The following MCPH1 variants were observed in gnomAD, a reference collection of about 807,000 sequenced individuals.
The protein encoded by MCPH1 is microcephalin 1, also known as microcephalin.
Under a neutral mutation model 84.5 loss-of-function variants are expected in MCPH1, and 104 were observed. The ratio of observed to expected loss-of-function variants is 1.23; its 90% CI spans 1.05 to 1.45. The LOEUF (loss-of-function observed/expected upper bound fraction) is 1.45, where lower values mean the gene tolerates loss of function less well. Ranked by LOEUF, MCPH1 falls within the 40% of genes most tolerant of loss-of-function variation. The probability of loss-of-function intolerance (pLI) is 0.00; values close to 1 mark genes in which losing one functional copy is unlikely to be tolerated. For missense variants in MCPH1, 1,498 were observed against 1,005.7 expected, an observed-to-expected ratio of 1.49 and a Z score of -6.62; for synonymous variants, 514 against 366.8, an observed-to-expected ratio of 1.40 and a Z score of -4.58.
At position 6,448,474 on chromosome 8, in the gene MCPH1, A is replaced by G. The variant is rs535246611; in HGVS notation, c.1825+2927A>G. ...AGCTGTTTTGTTTTGAAGTGTGATG[A>G]GAAGCCATTGGGGCTTTTGAACAGG... is the stretch of plus-strand genomic sequence containing the variant. On this transcript the variant is annotated intron_variant, in intron 8 of 13. Transcript: ENST00000344683. Among the ~76,000 whole-genome samples the G allele has an allele frequency of 1.1e-3, 175 of 152,310 alleles. No individual in the cohort carries two copies. The Middle Eastern group carries it at 0.017, about 15-fold the overall frequency.
At chr8:6,456,657 C>T (rs1585879181) in intron 9 of MCPH1, among the ~76,000 whole-genome samples, 1 of 144,836 alleles carries the variant, frequency 6.9e-6, no homozygotes, top group East Asian at 2.0e-4. Context: ...CCATGTCTGG[C>T]TTTTTTTTTT....
chr8:6,430,922 G>T (rs1801743083), intron 3 of MCPH1, among the ~76,000 whole-genome samples: 2 of 152,176 alleles, frequency 1.3e-5, no homozygotes, highest in Non-Finnish European at 2.9e-5. Flanking sequence ...GGAGATAAGG[G>T]TCACAGGAAT....
At position 6,447,841 on chromosome 8, in the gene MCPH1, G is replaced by A. The variant is rs181667680; in HGVS notation, c.1825+2294G>A. 1.7e-3 allele frequency among the ~76,000 whole-genome samples: 262 copies of A among 152,166 alleles called. 1 individual carries two copies. Among genetic ancestry groups the A allele is most frequent in the Non-Finnish European group, 2.4e-3 (162 of 68,006 alleles). On this transcript the variant is annotated intron_variant, in intron 8 of 13. Transcript: ENST00000344683. ...TGGGATTACAGGCGTGAGCTACCGC[G>A]CCCGGCCAACAATTTTGTTTTCTAA...
intron 13 of MCPH1, among the ~76,000 whole-genome samples, chr8:6,630,219 GA>G (rs1399073340): frequency 1.3e-5 from 2 of 152,102 alleles, no homozygotes. Flanking sequence ...CTTTGGCTGG[GA>G]AAAACTTATA....
chr8:6,504,211 G>A (rs11779674), intron 12 of MCPH1, among the ~76,000 whole-genome samples: 50,278 of 150,820 alleles, frequency 0.33, 8,699 homozygotes, highest in Middle Eastern at 0.46. Context: ...CCAGCTACTC[G>A]GGAGGCTGAG....
chr8:6,485,749 T>A (rs753009638), intron 11 of MCPH1, among the ~76,000 whole-genome samples: 1 of 152,130 alleles, frequency 6.6e-6, no homozygotes, highest in Non-Finnish European at 1.5e-5. Context: ...TCTGTTTGTG[T>A]GATTACAAGG....
intron 10 of MCPH1, among the ~76,000 whole-genome samples, chr8:6,478,136 G>T (rs938221642): frequency 1.3e-5 from 2 of 152,124 alleles, no homozygotes; most frequent in Non-Finnish European, 2.9e-5. Flanking sequence ...TTGAATTCCT[G>T]TTTAAAGGGG....
At chr8:6,549,107 C>T (rs1180488401) in intron 12 of MCPH1, among the ~76,000 whole-genome samples, 1 of 152,208 alleles carries the variant, frequency 6.6e-6, no homozygotes, top group African/African-American at 2.4e-5. Flanking sequence ...AAACAGCTTT[C>T]AGTCAGTCCA....
At position 6,527,795 on chromosome 8, in the gene MCPH1, C is replaced by A. The variant is rs568366192; in HGVS notation, c.2214+27866C>A. On this transcript the variant is annotated intron_variant, in intron 12 of 13. Coordinates refer to ENST00000344683, the MANE Select transcript of MCPH1 (RefSeq NM_024596.5). The stretch of plus-strand genomic sequence containing the variant: ...ACATAACAAAAACATTATTTATTAA[C>A]CCAAGTATCTTATTTTGGCATATTT... 165 of 952,564 alleles carry A rather than the reference C, an allele frequency of 1.7e-4. 2 individuals are homozygous for A. The African/African-American group carries it at 2.4e-3, about 14-fold the overall frequency. 59.0% of individuals were successfully genotyped at this position (952,564 alleles called of 1,614,324 possible). A position where few individuals can be genotyped will look rare whatever the true frequency, so the allele number is the denominator to read the frequency against.
At chr8:6,518,243 C>A (rs1444027033) in intron 12 of MCPH1, among the ~76,000 whole-genome samples, 2 of 152,182 alleles carry the variant, frequency 1.3e-5, no homozygotes, top group Admixed American at 1.3e-4. Flanking sequence ...CCTCTTGACA[C>A]TCCTGTCCCC....
In MCPH1 at chr8:6,647,457, G is replaced by T. The variant is rs1016904751; in HGVS notation, c.*4408G>T. The T allele has an allele frequency of 2.0e-5, 3 of 152,134 alleles. No individual in the cohort carries two copies. Among genetic ancestry groups the T allele is most frequent in the African/African-American group, 7.2e-5 (3 of 41,424 alleles). 9.4% of individuals were successfully genotyped at this position (152,134 alleles called of 1,614,324 possible). On this transcript the variant is annotated 3_prime_UTR_variant, in exon 14 of 14. Coordinates refer to ENST00000344683, the MANE Select transcript of MCPH1 (RefSeq NM_024596.5). ...CCAAAATACATGAAAACATGGATCT[G>T]CACAAGGTCTTGTATACAAATGTTC...
chr8:6,478,909 C>T (rs1422788274), intron 10 of MCPH1, among the ~76,000 whole-genome samples: 1 of 152,132 alleles, frequency 6.6e-6, no homozygotes, highest in African/African-American at 2.4e-5. Context: ...TATAATTCAG[C>T]CCTTTCATTT....
At chr8:6,621,300 CT>C in intron 12 of MCPH1, 153 bp from the exon 13 acceptor site, 1 of 952,228 alleles carries the variant, frequency 1.1e-6, no homozygotes, top group Non-Finnish European at 1.6e-6. Flanking sequence ...ATCATCTTCT[CT>C]GGATTCTCAG....
chr8:6,471,167 G>A (rs1055521934), intron 9 of MCPH1, among the ~76,000 whole-genome samples: 5 of 152,118 alleles, frequency 3.3e-5, no homozygotes, highest in African/African-American at 9.7e-5. Flanking sequence ...TGAGAACACC[G>A]TAAGCAAAGT....
intron 6 of MCPH1, among the ~76,000 whole-genome samples, chr8:6,441,174 T>C (rs1454860026): frequency 6.6e-6 from 1 of 152,246 alleles, no homozygotes; most frequent in Non-Finnish European, 1.5e-5. Flanking sequence ...AGTTCTGTTG[T>C]TAAGAAGAAG....
chr8:6,583,857 G>T (rs2922859), intron 12 of MCPH1, among the ~76,000 whole-genome samples: 104,612 of 139,732 alleles, frequency 0.75, 39,244 homozygotes, highest in East Asian at 0.94. Context: ...TTCTTGTTTT[G>T]TTTTTTTTTT....
intron 12 of MCPH1, among the ~76,000 whole-genome samples, chr8:6,579,176 G>C (rs1200378557): frequency 6.6e-6 from 1 of 152,208 alleles, no homozygotes; most frequent in Non-Finnish European, 1.5e-5. Context: ...TCATCCACCT[G>C]TAGCCTCTAG....
At chr8:6,624,728 C>T (rs1036680542) in intron 13 of MCPH1, among the ~76,000 whole-genome samples, 2 of 152,052 alleles carry the variant, frequency 1.3e-5, no homozygotes, top group Non-Finnish European at 2.9e-5. Context: ...TGGTAGCTGC[C>T]GCTATGTACA....
chr8:6,578,113 T>C (rs1827262921), intron 12 of MCPH1, among the ~76,000 whole-genome samples: 1 of 152,202 alleles, frequency 6.6e-6, no homozygotes, highest in Admixed American at 6.5e-5. Context: ...AACAACACAC[T>C]GGCATTGTTT....
Sources: allele counts gnomAD v4.1 joint callset (sites outside exome capture counted in the v4.1 genomes callset), GRCh38; gene constraint gnomAD v4.1.1; transcripts MANE v1.5; gene names NCBI Gene and HGNC (gene_info 2026-07-23, HGNC 2026-07-21).